Variants in ALPK1 observed in about 807,000 individuals in gnomAD.
The protein encoded by ALPK1 is alpha kinase 1, also known as alpha-protein kinase 1.
A neutral mutation model predicts 120.6 loss-of-function variants in ALPK1; 110 were observed. The ratio of observed to expected loss-of-function variants is 0.91; its 90% CI spans 0.78 to 1.07. The LOEUF (loss-of-function observed/expected upper bound fraction) is 1.07. ALPK1 is among the 50% of genes least tolerant of loss of function. The pLI, the probability that ALPK1 is intolerant of heterozygous loss-of-function variation, is 0.00. For synonymous variants in ALPK1, 582 were observed against 560.3 expected (o/e 1.04, Z -0.55); for missense variants, 1,498 against 1,483.9 (o/e 1.01, Z -0.16).
In ALPK1 at chr4:112,352,970, C is replaced by CTT. The variant is rs1730430479; in HGVS notation, c.-100-24708_-100-24707insTT. 3.8e-5 allele frequency: 3 copies of CTT among 79,962 alleles called. No homozygotes were observed. In the Admixed American group the frequency reaches 4.7e-4, roughly 13 times the overall value. 5.0% of individuals were successfully genotyped at this position (79,962 alleles called of 1,614,324 possible). ...TTTTCTTCTTCCTTTCCTTTCCTTT[C>CTT]CTTTTTTTTTTTTTTTTTGAGATAG... On this transcript the variant is annotated intron_variant, in intron 2 of 15. Transcript: ENST00000650871.
chr4:112,417,273 G>A (rs1352987905), intron 5 of ALPK1, among the ~76,000 whole-genome samples: 1 of 151,974 alleles, frequency 6.6e-6, no homozygotes, highest in African/African-American at 2.4e-5. Flanking sequence ...AAGAAGTGGA[G>A]AGTAAAAAAA....
intron 2 of ALPK1, among the ~76,000 whole-genome samples, chr4:112,324,452 G>T (rs570568887): frequency 8.6e-5 from 13 of 151,498 alleles, no homozygotes; most frequent in Admixed American, 7.2e-4. Context: ...GGCTTTTTTT[G>T]TTTGTTTGTT....
intron 4 of ALPK1, 88 bp downstream of exon 4, chr4:112,382,640 A>C (rs745330916): frequency 2.2e-4 from 347 of 1,562,592 alleles, no homozygotes; most frequent in Non-Finnish European, 2.9e-4. Context: ...ATTTCTTTGA[A>C]GCACAAGACA....
At chr4:112,381,208 A>AT (rs1480640115) in intron 3 of ALPK1, among the ~76,000 whole-genome samples, 2 of 152,152 alleles carry the variant, frequency 1.3e-5, no homozygotes, top group African/African-American at 4.8e-5. Flanking sequence ...GAGAAAATGG[A>AT]TTTTAGGAGC....
At chr4:112,371,492 A>T (rs1372494629) in intron 2 of ALPK1, among the ~76,000 whole-genome samples, 3 of 152,204 alleles carry the variant, frequency 2.0e-5, no homozygotes, top group African/African-American at 7.2e-5. Flanking sequence ...TCTACATAAC[A>T]GCCATTCCCC....
At chr4:112,356,737 GCACGGAGTATGC>G in intron 2 of ALPK1, 2 of 868,432 alleles carry the variant, frequency 2.3e-6, no homozygotes, top group Non-Finnish European at 3.9e-6. Flanking sequence ...GGGGAAGCAA[GCACGGAGTATGC>G]CCTTATTACC....
Position 112,358,385 on chromosome 4 carries a change from A to G in ALPK1, c.-100-19293A>G. 3 of 608,802 alleles carry G rather than the reference A, an allele frequency of 4.9e-6. No individual in the cohort carries two copies. The East Asian group carries it at 8.6e-5, about 17-fold the overall frequency. The allele number at this position is 608,802 out of a possible 1,614,324, so 37.7% of individuals were successfully genotyped here. ...ACCGGCCCCCTGGGCTGTAGCACCC[A>G]GTTTGCGTGAGGCAGAAGATGCTGT... On this transcript the variant is annotated intron_variant, in intron 2 of 15. Coordinates refer to ENST00000650871, the MANE Select transcript of ALPK1 (RefSeq NM_025144.4).
intron 4 of ALPK1, among the ~76,000 whole-genome samples, chr4:112,409,130 C>T (rs1170891496): frequency 1.3e-5 from 2 of 150,666 alleles, no homozygotes; most frequent in East Asian, 4.1e-4. Context: ...CAGATTGATA[C>T]GTTGGTTTTT....
At chr4:112,405,408 C>G (rs1733121122) in intron 4 of ALPK1, among the ~76,000 whole-genome samples, 1 of 152,100 alleles carries the variant, frequency 6.6e-6, no homozygotes, top group Non-Finnish European at 1.5e-5. Flanking sequence ...TCCTTTCTCT[C>G]ATTTTTAAAT....
chr4:112,425,696 G>A lies in ALPK1; in HGVS notation c.567G>A (p.Lys189=). The change falls in exon 7 of 16, where the codon AAG becomes AAA. Residue 189 remains lysine, a synonymous_variant. Transcript: ENST00000650871. ...GTWLYRNESD[K]VLVQSVCIQI... is the part of the protein sequence containing the mutation. The stretch of plus-strand genomic sequence containing the variant: ...GGCTGTACAGAAATGAAAGTGACAA[G>A]GTCCTGGTGCAGTCGGTCTGTATAC... The A allele has an allele frequency of 1.2e-6, 2 of 1,613,128 alleles. No homozygotes were observed. The highest frequency in any genetic ancestry group is 1.7e-6 in the Non-Finnish European group (2 of 1,179,292).
chr4:112,404,442 T>G (rs1465188968), intron 4 of ALPK1, among the ~76,000 whole-genome samples: 1 of 152,218 alleles, frequency 6.6e-6, no homozygotes, highest in Non-Finnish European at 1.5e-5. Flanking sequence ...ATTATCCACA[T>G]TTCACAAATG....
intron 2 of ALPK1, among the ~76,000 whole-genome samples, chr4:112,364,017 A>G (rs928803029): frequency 2.0e-5 from 3 of 152,158 alleles, no homozygotes; most frequent in Non-Finnish European, 4.4e-5. Context: ...ACTGAATGAT[A>G]ATAGTGACAC....
At chr4:112,341,740 T>A (rs888996548) in intron 2 of ALPK1, among the ~76,000 whole-genome samples, 1 of 152,210 alleles carries the variant, frequency 6.6e-6, no homozygotes, top group African/African-American at 2.4e-5. Context: ...TGCTTTTGTT[T>A]AGTGTTGATT....
At chr4:112,438,086 G>C (rs1038633886) in intron 12 of ALPK1, among the ~76,000 whole-genome samples, 11 of 152,292 alleles carry the variant, frequency 7.2e-5, no homozygotes, top group Admixed American at 1.3e-4. Context: ...AATCATAAAA[G>C]GAAGGGATAG....
At chr4:112,427,753 T>C (rs541297996) in intron 9 of ALPK1, 88 bp downstream of exon 9, 18 of 937,386 alleles carry the variant, frequency 1.9e-5, no homozygotes, top group Non-Finnish European at 2.7e-5. Flanking sequence ...TCTCAGGAGA[T>C]TGGGAGGCAG....
chr4:112,333,260 TA>T (rs1391611666), intron 2 of ALPK1, among the ~76,000 whole-genome samples: 1 of 152,250 alleles, frequency 6.6e-6, no homozygotes, highest in African/African-American at 2.4e-5. Context: ...CTCTCAATTC[TA>T]AAGAGTATAT....
At chr4:112,325,855 A>G (rs1729093239) in intron 2 of ALPK1, among the ~76,000 whole-genome samples, 1 of 152,166 alleles carries the variant, frequency 6.6e-6, no homozygotes, top group Non-Finnish European at 1.5e-5. Flanking sequence ...CCTTGTTTTA[A>G]GATTCATAAT....
At chr4:112,307,806 AT>A in intron 1 of ALPK1, among the ~76,000 whole-genome samples, 1 of 152,016 alleles carries the variant, frequency 6.6e-6, no homozygotes, top group Non-Finnish European at 1.5e-5. Context: ...TTAGCTGGTT[AT>A]TTTGCTCATT....
At chr4:112,438,307 T>C (rs964046866) in intron 12 of ALPK1, among the ~76,000 whole-genome samples, 177 bp from the exon 13 acceptor site, 1 of 152,224 alleles carries the variant, frequency 6.6e-6, no homozygotes, top group African/African-American at 2.4e-5. Context: ...ATTGTTCAAG[T>C]AGCTCTTACA....
Sources: gnomAD v4.1 joint callset for allele counts (sites outside exome capture counted in the v4.1 genomes callset) on GRCh38, gnomAD v4.1.1 for gene constraint, MANE v1.5 for transcripts, NCBI Gene and HGNC (gene_info 2026-07-23, HGNC 2026-07-21) for gene names.